BABAM2: variants seen among roughly 807,000 people sequenced by gnomAD.
The protein encoded by BABAM2 is BRISC and BRCA1 A complex member 2, also known as BRISC and BRCA1-A complex member 2.
Under a neutral mutation model 54.7 loss-of-function variants are expected in BABAM2, and 31 were observed. The observed-to-expected ratio is 0.57, with a 90% confidence interval of 0.43 to 0.77. BABAM2 has a LOEUF of 0.77. BABAM2 is among the 30% of genes least tolerant of loss of function. The pLI is 0.00. For synonymous variants in BABAM2, 167 were observed against 162.9 expected, an observed-to-expected ratio of 1.03 and a Z score of -0.19; for missense variants, 364 against 455.8, an observed-to-expected ratio of 0.80 and a Z score of 1.83.
At chr2:28,184,548 A>G (rs1252238324) in intron 7 of BABAM2, among the ~76,000 whole-genome samples, 2 of 139,244 alleles carry the variant, frequency 1.4e-5, no homozygotes, top group African/African-American at 2.7e-5. Context: ...CTCATTGTTC[A>G]GTTCCCACCT....
chr2:28,087,398 T>C (rs1665751704), intron 6 of BABAM2, among the ~76,000 whole-genome samples: 1 of 152,048 alleles, frequency 6.6e-6, no homozygotes, highest in Non-Finnish European at 1.5e-5. Flanking sequence ...AGACAGGAGC[T>C]CTCAGTGAGT....
intron 3 of BABAM2, among the ~76,000 whole-genome samples, chr2:27,972,914 G>A (rs537912181): frequency 4.0e-5 from 6 of 151,438 alleles, no homozygotes; most frequent in Admixed American, 2.0e-4. Context: ...CTACAGGCGC[G>A]CACCCCCACA....
chr2:28,115,473 A>C (rs1484778565), intron 6 of BABAM2, among the ~76,000 whole-genome samples: 1 of 152,014 alleles, frequency 6.6e-6, no homozygotes, highest in East Asian at 1.9e-4. Context: ...AAAAATACAA[A>C]AAATTATCCA....
At chr2:28,132,580 T>G (rs1302347636) in intron 7 of BABAM2, among the ~76,000 whole-genome samples, 19 of 152,224 alleles carry the variant, frequency 1.2e-4, no homozygotes, top group Non-Finnish European at 2.6e-4. Context: ...CTTGCCTCTG[T>G]GCTTTTGCTA....
chr2:27,917,496 A>G (rs559750771), intron 2 of BABAM2, among the ~76,000 whole-genome samples: 1 of 152,214 alleles, frequency 6.6e-6, no homozygotes, highest in East Asian at 1.9e-4. Context: ...CTCATAGATG[A>G]TGCCTTCTCT....
At chr2:28,243,150 TA>T (rs1204534556) in intron 9 of BABAM2, among the ~76,000 whole-genome samples, 2 of 152,166 alleles carry the variant, frequency 1.3e-5, no homozygotes, top group African/African-American at 4.8e-5. Context: ...AGTAGTATAC[TA>T]AAAAGGACTA....
At chr2:27,942,250 G>C (rs1305116813) in intron 3 of BABAM2, among the ~76,000 whole-genome samples, 2 of 152,200 alleles carry the variant, frequency 1.3e-5, no homozygotes, top group South Asian at 4.1e-4. Context: ...GTGGTGTTGC[G>C]AAGTTTGTTG....
At position 28,322,536 on chromosome 2, in the gene BABAM2, A is replaced by G. The variant is rs920013505; in HGVS notation, c.1089-15914A>G. Among the ~76,000 whole-genome samples the G allele has an allele frequency of 1.3e-5, 2 of 152,272 alleles. No individual in the cohort carries two copies. The highest frequency in any genetic ancestry group is 2.9e-5 in the Non-Finnish European group (2 of 68,052). ...ACCCCCCAGAAGTGCTGCTGGGCCA[A>G]GCCCTGCCTTGAACAAGATCCTGAG... is the stretch of plus-strand genomic sequence containing the variant. On this transcript the variant is annotated intron_variant, in intron 11 of 11. Coordinates refer to ENST00000379624, the MANE Select transcript of BABAM2 (RefSeq NM_199191.3). This position sits in a 1 kb window ranked among gnomAD's most constrained non-coding sequence, Gnocchi z 4.1.
chr2:28,006,368 C>T (rs1477910479), intron 4 of BABAM2, among the ~76,000 whole-genome samples: 8 of 151,980 alleles, frequency 5.3e-5, no homozygotes, highest in Admixed American at 4.6e-4. Context: ...GAAATAAGGA[C>T]TATGTGCTTT....
chr2:28,016,487 C>G (rs983334030), intron 4 of BABAM2: 1 of 1,093,322 alleles, frequency 9.1e-7, no homozygotes, highest in African/African-American at 1.5e-5. Context: ...GCCCATGGTG[C>G]TGGGCTGAGC....
chr2:28,204,382 C>T (rs1207232283), intron 7 of BABAM2, among the ~76,000 whole-genome samples: 2 of 152,186 alleles, frequency 1.3e-5, no homozygotes, highest in African/African-American at 4.8e-5. Flanking sequence ...TAGAACCGTT[C>T]TGATCTCTGA....
chr2:28,317,543 A>G (rs1180846685), intron 11 of BABAM2, among the ~76,000 whole-genome samples: 2 of 152,186 alleles, frequency 1.3e-5, no homozygotes, highest in Admixed American at 6.5e-5. Flanking sequence ...GCCAGCCCAC[A>G]TGGAAGCCCA....
chr2:28,053,788 A>G (rs1678178978), intron 6 of BABAM2, among the ~76,000 whole-genome samples: 1 of 152,132 alleles, frequency 6.6e-6, no homozygotes, highest in African/African-American at 2.4e-5. Flanking sequence ...TGTGTGCCAT[A>G]TGGTCTCTGT....
chr2:28,274,879 G>A lies in BABAM2; in HGVS notation c.935-23459G>A, dbSNP rs189109095. On this transcript the variant is annotated intron_variant, in intron 10 of 11. Coordinates refer to ENST00000379624, the MANE Select transcript of BABAM2 (RefSeq NM_199191.3). ...AAAAGAGAAACTTAGGAGAGGTTAT[G>A]TAACATCAACTTTGTGGGCTGAGGC... 4.0e-4 allele frequency among the ~76,000 whole-genome samples: 61 copies of A among 152,308 alleles called. 1 individual carries two copies. The highest frequency in any genetic ancestry group is 1.4e-3 in the African/African-American group (60 of 41,574).
intron 2 of BABAM2, among the ~76,000 whole-genome samples, chr2:27,903,838 T>C (rs1476601777): frequency 6.6e-6 from 1 of 152,214 alleles, no homozygotes; most frequent in Non-Finnish European, 1.5e-5. Context: ...TTATGTTAGG[T>C]CTTAGCAACA....
intron 7 of BABAM2, among the ~76,000 whole-genome samples, chr2:28,132,444 T>A (rs983092173): frequency 1.3e-5 from 2 of 152,086 alleles, no homozygotes; most frequent in Non-Finnish European, 2.9e-5. Flanking sequence ...GGCCTCTTCT[T>A]CTTTCTTACG....
At chr2:28,070,988 T>G (rs112225652) in intron 6 of BABAM2, among the ~76,000 whole-genome samples, 78 of 152,242 alleles carry the variant, frequency 5.1e-4, no homozygotes, top group African/African-American at 1.4e-3. Context: ...GGCAAGTTAC[T>G]CAACGCCCCC....
chr2:27,888,740 T>G (rs973061523), upstream of BABAM2, among the ~76,000 whole-genome samples: 5 of 152,064 alleles, frequency 3.3e-5, no homozygotes, highest in African/African-American at 4.8e-5. Flanking sequence ...CAGGATGTTC[T>G]TGTAAGGCTT....
chr2:28,273,158 C>G (rs1685571775), intron 10 of BABAM2, among the ~76,000 whole-genome samples: 1 of 152,208 alleles, frequency 6.6e-6, no homozygotes, highest in South Asian at 2.1e-4. Flanking sequence ...AATGGCAGAC[C>G]AGTTTCTATG....
Sources: gnomAD v4.1 joint callset for allele counts (sites outside exome capture counted in the v4.1 genomes callset) on GRCh38, gnomAD v4.1.1 for gene constraint, Gnocchi (gnomAD v3.1) non-coding constraint, MANE v1.5 for transcripts, NCBI Gene and HGNC (gene_info 2026-07-23, HGNC 2026-07-21) for gene names.